Variants in GALNT18 observed in about 807,000 individuals in gnomAD.
The protein encoded by GALNT18 is GalNAc-transferase 18.
GALNT18 carries 44 observed loss-of-function variants against 69.5 expected under a neutral mutation model. The ratio of observed to expected loss-of-function variants is 0.63; its 90% CI spans 0.50 to 0.81. The LOEUF is 0.81. GALNT18 is among the 40% of genes least tolerant of loss of function. The pLI is 0.00. For synonymous variants in GALNT18, 364 were observed against 318.2 expected, an observed-to-expected ratio of 1.14 and a Z score of -1.53; for missense variants, 715 against 810.0, an observed-to-expected ratio of 0.88 and a Z score of 1.42.
At chr11:11,534,983 G>A (rs1471656547) in intron 1 of GALNT18, among the ~76,000 whole-genome samples, 1 of 152,216 alleles carries the variant, frequency 6.6e-6, no homozygotes, top group Non-Finnish European at 1.5e-5. Flanking sequence ...GACCTTGTTC[G>A]GGTCCTGGCT....
chr11:11,549,353 T>G (rs981376324), intron 1 of GALNT18, among the ~76,000 whole-genome samples: 3 of 152,238 alleles, frequency 2.0e-5, no homozygotes, highest in African/African-American at 7.2e-5. Context: ...ATACTGTCCC[T>G]GCTGCTAAAT....
In GALNT18 at chr11:11,340,457, T is replaced by A. The variant is rs1850183418; in HGVS notation, c.1278+362A>T. ...GATGCTTTTTGTAAATTTTTGTAGT[T>A]ACTGGTATATTTGTAATCCAGGACC... On this transcript the variant is annotated intron_variant, in intron 7 of 10. Coordinates refer to ENST00000227756, the MANE Select transcript of GALNT18 (RefSeq NM_198516.3). This position sits in a 1 kb window ranked among gnomAD's most constrained non-coding sequence, Gnocchi z 4.2. 6.6e-6 allele frequency among the ~76,000 whole-genome samples: 1 copy of A among 152,198 alleles called. No individual in the cohort carries two copies. The highest frequency in any genetic ancestry group is 2.1e-4 in the South Asian group (1 of 4,824).
intron 3 of GALNT18, among the ~76,000 whole-genome samples, chr11:11,411,619 A>G (rs1854729227): frequency 6.6e-6 from 1 of 152,238 alleles, no homozygotes; most frequent in Non-Finnish European, 1.5e-5. Context: ...TCACCTGCTC[A>G]GCCTGGAACT....
Position 11,393,418 on chromosome 11 carries a change from C to CTGTT in GALNT18, c.596-14158_596-14155dup, listed in dbSNP as rs375508897. Among the ~76,000 whole-genome samples, 676 of 152,292 alleles carry CTGTT rather than the reference C, an allele frequency of 4.4e-3. 7 individuals are homozygous for CTGTT. Among genetic ancestry groups the CTGTT allele is most frequent in the Middle Eastern group, 0.024 (7 of 294 alleles). ...ACTTCTGGAAACCTTGTGTATTTTT[C>CTGTT]TGTTTGTTTGTTTGTTTGTTTGCTT... is the stretch of plus-strand genomic sequence containing the variant. On this transcript the variant is annotated intron_variant, in intron 3 of 10. Coordinates refer to ENST00000227756, the MANE Select transcript of GALNT18 (RefSeq NM_198516.3).
intron 9 of GALNT18, among the ~76,000 whole-genome samples, chr11:11,312,663 G>C (rs1849690706): frequency 6.6e-6 from 1 of 152,184 alleles, no homozygotes; most frequent in South Asian, 2.1e-4. Flanking sequence ...CTGTAAGGTA[G>C]ATGGCCTTAA....
At chr11:11,556,174 A>G (rs1430795114) in intron 1 of GALNT18, among the ~76,000 whole-genome samples, 2 of 152,208 alleles carry the variant, frequency 1.3e-5, no homozygotes, top group African/African-American at 4.8e-5. Flanking sequence ...CAGGGTTCCC[A>G]CTACGTGAAG....
At chr11:11,281,943 G>T (rs1849084717) in intron 10 of GALNT18, among the ~76,000 whole-genome samples, 1 of 152,062 alleles carries the variant, frequency 6.6e-6, no homozygotes, top group Non-Finnish European at 1.5e-5. Context: ...AGAACTGGTA[G>T]TAAGGCCATG....
chr11:11,405,626 C>T (rs1418997622), intron 3 of GALNT18, among the ~76,000 whole-genome samples: 1 of 152,214 alleles, frequency 6.6e-6, no homozygotes, highest in Non-Finnish European at 1.5e-5. Context: ...ACATTTTCTC[C>T]TTAGGAAAGT....
At chr11:11,484,374 C>T (rs148668909) in intron 1 of GALNT18, among the ~76,000 whole-genome samples, 8,210 of 152,078 alleles carry the variant, frequency 0.054, 317 homozygotes, top group Middle Eastern at 0.092. Context: ...GGGCGGATCA[C>T]CTGAGGTCGG....
In GALNT18 at chr11:11,337,961, ATTTTTTTT is replaced by A. The variant is rs11351706; in HGVS notation, c.1278+2850_1278+2857del. ...TGTACATAGCAGGAGTCATTTAAAG[ATTTTTTTT>A]TTTTTTTTTTTTTTGAGACAGTCTC... is the stretch of plus-strand genomic sequence containing the variant. On this transcript the variant is annotated intron_variant, in intron 7 of 10. Transcript: ENST00000227756. This position sits in a 1 kb window ranked among gnomAD's most constrained non-coding sequence, Gnocchi z 4.9. 8.4e-6 allele frequency among the ~76,000 whole-genome samples: 1 copy of A among 118,822 alleles called. No individual in the cohort carries two copies. The highest frequency in any genetic ancestry group is 3.3e-5 in the African/African-American group (1 of 30,458). 78.0% of individuals were successfully genotyped at this position (118,822 alleles called of 152,430 possible). A position where few individuals can be genotyped will look rare whatever the true frequency, so the allele number is the denominator to read the frequency against.
At chr11:11,512,811 A>G (rs1857190656) in intron 1 of GALNT18, among the ~76,000 whole-genome samples, 2 of 152,172 alleles carry the variant, frequency 1.3e-5, no homozygotes, top group African/African-American at 4.8e-5. Flanking sequence ...TCACATGGAC[A>G]CCAGGACACA....
chr11:11,303,541 C>T (rs1849532085), intron 9 of GALNT18, among the ~76,000 whole-genome samples: 1 of 152,024 alleles, frequency 6.6e-6, no homozygotes, highest in Non-Finnish European at 1.5e-5. Context: ...TCCAGGTCCT[C>T]AGCACTGATA....
rs973197975 is a variant in GALNT18 at position 11,614,346 on chromosome 11, G to A, written c.235+7013C>T. Among the ~76,000 whole-genome samples the A allele has an allele frequency of 7.7e-6, 1 of 129,640 alleles. No individual in the cohort carries two copies. Among genetic ancestry groups the A allele is most frequent in the African/African-American group, 3.3e-5 (1 of 30,420 alleles). The allele number at this position is 129,640 out of a possible 152,430, so 85.0% of individuals were successfully genotyped here. On this transcript the variant is annotated intron_variant, in intron 1 of 10. Coordinates refer to ENST00000227756, the MANE Select transcript of GALNT18 (RefSeq NM_198516.3). The surrounding 1 kb of genome is among the most constrained non-coding windows in gnomAD (Gnocchi z 5.6). ...GGGTGAGAGAGAGAGGCAAGAGAGT[G>A]AGGAGAAGAAGAAGAAGAGGAGGAG... is the stretch of plus-strand genomic sequence containing the variant.
At chr11:11,594,815 G>T in intron 1 of GALNT18, among the ~76,000 whole-genome samples, 1 of 43,646 alleles carries the variant, frequency 2.3e-5, no homozygotes, top group Admixed American at 3.1e-4. Flanking sequence ...ATTATCTTGG[G>T]CATATATATA....
chr11:11,507,061 GCAAA>G (rs1182694837), intron 1 of GALNT18, among the ~76,000 whole-genome samples: 4 of 152,172 alleles, frequency 2.6e-5, no homozygotes, highest in African/African-American at 9.7e-5. Context: ...GAAAATGTGG[GCAAA>G]CAAACAGAGG....
chr11:11,335,752 CAA>C (rs1850100316), intron 7 of GALNT18, among the ~76,000 whole-genome samples: 1 of 152,078 alleles, frequency 6.6e-6, no homozygotes. Context: ...CACATAGAGA[CAA>C]AGAGGAGAAG....
Position 11,600,896 on chromosome 11 carries a change from T to C in GALNT18, c.235+20463A>G, listed in dbSNP as rs137857311. On this transcript the variant is annotated intron_variant, in intron 1 of 10. Coordinates refer to ENST00000227756, the MANE Select transcript of GALNT18 (RefSeq NM_198516.3). The surrounding 1 kb of genome is among the most constrained non-coding windows in gnomAD (Gnocchi z 4.8). ...TCTATCTTCAAATTTGCTGATACTTTCTTCTGCCAACTCAAATATATTTTT... is the reference window on the plus strand; with the variant it reads ...TCTATCTTCAAATTTGCTGATACTTCCTTCTGCCAACTCAAATATATTTTT... Among the ~76,000 whole-genome samples the C allele has an allele frequency of 7.9e-5, 12 of 152,256 alleles. No homozygotes were observed. Among genetic ancestry groups the C allele is most frequent in the African/African-American group, 2.6e-4 (11 of 41,576 alleles).
intron 9 of GALNT18, among the ~76,000 whole-genome samples, chr11:11,293,709 T>C (rs1293429250): frequency 6.6e-6 from 1 of 151,940 alleles, no homozygotes; most frequent in Non-Finnish European, 1.5e-5. Flanking sequence ...GCCCGGCTAA[T>C]TTTTGTATTT....
At chr11:11,531,566 C>T (rs985335531) in intron 1 of GALNT18, among the ~76,000 whole-genome samples, 3 of 152,232 alleles carry the variant, frequency 2.0e-5, no homozygotes, top group African/African-American at 4.8e-5. Flanking sequence ...GGGAAGCCAT[C>T]CATAGGGGAT....
Sources: gnomAD v4.1 joint callset for allele counts (sites outside exome capture counted in the v4.1 genomes callset) on GRCh38, gnomAD v4.1.1 for gene constraint, Gnocchi (gnomAD v3.1) non-coding constraint, MANE v1.5 for transcripts, NCBI Gene and HGNC (gene_info 2026-07-23, HGNC 2026-07-21) for gene names.